CNTNAP5: variants seen among roughly 807,000 people sequenced by gnomAD.
The protein encoded by CNTNAP5 is contactin-associated protein-like 5.
In CNTNAP5, 72 loss-of-function variants were observed where a neutral mutation model predicts 150.2. That is an observed-to-expected ratio of 0.48 (90% CI 0.40 to 0.58). CNTNAP5 has a LOEUF of 0.58. CNTNAP5 is among the 20% of genes least tolerant of loss of function. The pLI is 0.00. For missense variants in CNTNAP5, 1,636 were observed against 1,626.2 expected (o/e 1.01, Z -0.10); for synonymous variants, 672 against 619.8 (o/e 1.08, Z -1.25).
At chr2:124,842,335 G>A (rs1682961812) in intron 19 of CNTNAP5, among the ~76,000 whole-genome samples, 1 of 152,134 alleles carries the variant, frequency 6.6e-6, no homozygotes, top group African/African-American at 2.4e-5. Flanking sequence ...ATGCAACAGA[G>A]ACTGAATTCA....
At chr2:124,702,369 TTTTTTTTTTTTTTTTTTTTTTTTTTTTG>T (rs1244757964) in intron 13 of CNTNAP5, among the ~76,000 whole-genome samples, 10 of 62,434 alleles carry the variant, frequency 1.6e-4, no homozygotes, top group African/African-American at 7.2e-4. Flanking sequence ...TTTTTTTTTT[TTTTTTTTTTTTTTTTTTTTTTTTTTTTG>T]CTAGTGAAGA....
rs114039278 is a variant in CNTNAP5, at chr2:124,705,384, C to T, written c.2078-41845C>T. 7.0e-3 allele frequency among the ~76,000 whole-genome samples: 1,070 copies of T among 152,022 alleles called. 14 individuals are homozygous for T. Among genetic ancestry groups the T allele is most frequent in the African/African-American group, 0.025 (1,026 of 41,456 alleles). On this transcript the variant is annotated intron_variant, in intron 13 of 23. Transcript: ENST00000682447. ...CTCTACTAAAAATAAAATAATTAGG[C>T]GGGTGTGGTGGCATGTGCCTGTAAT...
chr2:124,514,504 G>A (rs1694661556), intron 8 of CNTNAP5, among the ~76,000 whole-genome samples: 1 of 152,044 alleles, frequency 6.6e-6, no homozygotes, highest in Non-Finnish European at 1.5e-5. Context: ...TTGGCTTTAG[G>A]AAACTTTTGG....
chr2:124,843,820 T>C (rs1009607663), intron 19 of CNTNAP5, among the ~76,000 whole-genome samples: 12 of 152,140 alleles, frequency 7.9e-5, no homozygotes, highest in African/African-American at 2.9e-4. Context: ...GAGAATTGCC[T>C]AATCATGTCC....
chr2:124,072,589 A>G (rs1315333852), intron 1 of CNTNAP5, among the ~76,000 whole-genome samples: 1 of 152,010 alleles, frequency 6.6e-6, no homozygotes, highest in Non-Finnish European at 1.5e-5. Flanking sequence ...AGCACGGAAC[A>G]ATCTGAAAAA....
At chr2:124,688,572 G>A (rs1679239198) in intron 13 of CNTNAP5, among the ~76,000 whole-genome samples, 1 of 152,038 alleles carries the variant, frequency 6.6e-6, no homozygotes, top group South Asian at 2.1e-4. Flanking sequence ...GGAAGCACAT[G>A]ATAATTCAAT....
At chr2:124,725,621 C>CAGT (rs1680140411) in intron 13 of CNTNAP5, among the ~76,000 whole-genome samples, 1 of 151,960 alleles carries the variant, frequency 6.6e-6, no homozygotes, top group African/African-American at 2.4e-5. Flanking sequence ...GTATGCAGTA[C>CAGT]AGTAGTATCA....
chr2:124,911,509 C>T lies in CNTNAP5; in HGVS notation c.3698C>T (p.Ala1233Val), dbSNP rs770912572. ...KTDEREPLTN[A>V]VRSDSAVIGG... ...GATGAGCGGGAACCACTCACAAATG[C>T]TGTTCGAAGTGATTCGGCAGTCATC... The change falls in exon 23 of 24, where the codon GCT (alanine) becomes GTT (valine). Residue 1233 changes from alanine to valine, a missense_variant. Coordinates refer to ENST00000682447, the MANE Select transcript of CNTNAP5 (RefSeq NM_001367498.1). The T allele has an allele frequency of 5.0e-6, 8 of 1,602,198 alleles. No homozygotes were observed. In the Admixed American group the frequency reaches 5.1e-5, roughly 10 times the overall value.
chr2:124,835,684 A>G (rs1377503937), intron 19 of CNTNAP5, among the ~76,000 whole-genome samples: 1 of 152,178 alleles, frequency 6.6e-6, no homozygotes, highest in Non-Finnish European at 1.5e-5. Flanking sequence ...TATCTGTTAT[A>G]TGGTGTGCAA....
At chr2:124,182,655 A>G (rs1254443451) in intron 1 of CNTNAP5, among the ~76,000 whole-genome samples, 1 of 152,130 alleles carries the variant, frequency 6.6e-6, no homozygotes, top group East Asian at 1.9e-4. Context: ...TCAGCTACTT[A>G]ACTGTGTCCA....
intron 4 of CNTNAP5, among the ~76,000 whole-genome samples, chr2:124,431,528 T>TAA (rs1553467724): frequency 6.9e-6 from 1 of 145,614 alleles, no homozygotes; most frequent in African/African-American, 2.5e-5. Flanking sequence ...TATATATATA[T>TAA]AAAATTTCTT....
chr2:124,244,074 T>C (rs550473155), intron 3 of CNTNAP5, among the ~76,000 whole-genome samples: 2 of 152,172 alleles, frequency 1.3e-5, no homozygotes, highest in Admixed American at 6.5e-5. Context: ...CTTTGAGTTA[T>C]TGTGCCTAAT....
chr2:124,597,552 C>T (rs1369519626), intron 11 of CNTNAP5, among the ~76,000 whole-genome samples: 3 of 151,044 alleles, frequency 2.0e-5, no homozygotes, highest in Non-Finnish European at 4.4e-5. Flanking sequence ...GTAACCCGAA[C>T]TTTTTCTCTG....
chr2:124,542,826 AACCTTTTG>A (rs562827848), intron 10 of CNTNAP5, among the ~76,000 whole-genome samples: 60 of 152,244 alleles, frequency 3.9e-4, no homozygotes, highest in Middle Eastern at 6.8e-3. Flanking sequence ...TAATGATTTG[AACCTTTTG>A]AGCTTTAACA....
At chr2:124,145,812 T>TAAAA in intron 1 of CNTNAP5, among the ~76,000 whole-genome samples, 22 of 64,184 alleles carry the variant, frequency 3.4e-4, no homozygotes, top group African/African-American at 7.0e-4. Context: ...AAAAAAACAT[T>TAAAA]AAAAAAAAAA....
At chr2:124,094,399 A>G (rs1682884791) in intron 1 of CNTNAP5, among the ~76,000 whole-genome samples, 1 of 152,168 alleles carries the variant, frequency 6.6e-6, no homozygotes, top group African/African-American at 2.4e-5. Flanking sequence ...TGTCAGGGCT[A>G]TTGATATGGT....
intron 3 of CNTNAP5, among the ~76,000 whole-genome samples, chr2:124,351,137 C>A (rs1458835091): frequency 1.3e-5 from 2 of 152,170 alleles, no homozygotes. Flanking sequence ...GAAACTCATT[C>A]TTTTGGGGAA....
chr2:124,255,394 T>C (rs1051004698), intron 3 of CNTNAP5, among the ~76,000 whole-genome samples: 1 of 151,642 alleles, frequency 6.6e-6, no homozygotes, highest in Admixed American at 6.6e-5. Flanking sequence ...TGTGGTGGTG[T>C]TCACCTGTAG....
At chr2:124,311,805 G>T (rs1343778828) in intron 3 of CNTNAP5, among the ~76,000 whole-genome samples, 28 of 152,266 alleles carry the variant, frequency 1.8e-4, no homozygotes. Flanking sequence ...CTAGGCTCTG[G>T]TTTGCCCAAA....
Sources: allele counts gnomAD v4.1 joint callset (sites outside exome capture counted in the v4.1 genomes callset), GRCh38; gene constraint gnomAD v4.1.1; transcripts MANE v1.5; gene names NCBI Gene and HGNC (gene_info 2026-07-23, HGNC 2026-07-21).